DNMT3B: variants seen among roughly 807,000 people sequenced by gnomAD.
DNMT3B encodes DNA (cytosine-5)-methyltransferase 3B.
A neutral mutation model predicts 120.2 loss-of-function variants in DNMT3B; 37 were observed. That is an observed-to-expected ratio of 0.31 (90% CI 0.24 to 0.40). The LOEUF is 0.40. Ranked by LOEUF, DNMT3B falls within the 10% of genes least tolerant of loss-of-function variation. The pLI, the probability that DNMT3B is intolerant of heterozygous loss-of-function variation, is 1.00. For synonymous variants in DNMT3B, 412 were observed against 442.8 expected (o/e 0.93, Z 0.87); for missense variants, 878 against 1,137.3 (o/e 0.77, Z 3.28).
chr20:32,780,519 C>T (rs530131895), intron 2 of DNMT3B, 54 bp downstream of exon 2: 25 of 1,597,380 alleles, frequency 1.6e-5, no homozygotes, highest in Admixed American at 1.2e-4. Flanking sequence ...AGTGAGCGGT[C>T]ACTGCAGACA....
chr20:32,764,148 A>G (rs1987153879), intron 1 of DNMT3B, among the ~76,000 whole-genome samples: 1 of 152,184 alleles, frequency 6.6e-6, no homozygotes, highest in Non-Finnish European at 1.5e-5. Context: ...AAGGAAGCAT[A>G]GTTCTTAGTT....
At chr20:32,769,784 G>A (rs1242974591) in intron 1 of DNMT3B, among the ~76,000 whole-genome samples, 1 of 152,014 alleles carries the variant, frequency 6.6e-6, no homozygotes, top group Non-Finnish European at 1.5e-5. Context: ...ATCTCACTCT[G>A]TTGCCCAGGC....
In DNMT3B at chr20:32,787,467, G is replaced by C. The variant is rs764897312; in HGVS notation, c.654+16G>C. ...AGAGTATCAGGTATGGCCGAGAGGGGCTCCTGCCCAGGGTGACTGAGGACC... is the reference window on the plus strand; with the variant it reads ...AGAGTATCAGGTATGGCCGAGAGGGCCTCCTGCCCAGGGTGACTGAGGACC... On this transcript the variant is annotated intron_variant, in intron 6 of 22. Transcript: ENST00000328111. 5.8e-5 allele frequency: 93 copies of C among 1,609,604 alleles called. No homozygotes were observed. The highest frequency in any genetic ancestry group is 1.9e-4 in the Middle Eastern group (1 of 5,286).
In DNMT3B at chr20:32,780,395, C is replaced by T. The variant is rs777511594; in HGVS notation, c.72C>T (p.Asn24=). 35 of 1,613,754 alleles carry T rather than the reference C, an allele frequency of 2.2e-5. No individual in the cohort carries two copies. In the East Asian group the frequency reaches 4.7e-4, roughly 22 times the overall value. ...AGGREDSILV[N]GACSDQSSDS... is the part of the protein sequence containing the mutation. ...GGAGGGAAGACTCGATCCTCGTCAA[C>T]GGGGCCTGCAGCGACCAGTCCTCCG... The change falls in exon 2 of 23, where the codon AAC becomes AAT. Residue 24 remains asparagine, a synonymous_variant. Coordinates refer to ENST00000328111, the MANE Select transcript of DNMT3B (RefSeq NM_006892.4).
intron 3 of DNMT3B, among the ~76,000 whole-genome samples, chr20:32,784,013 C>T (rs558757820): frequency 4.6e-5 from 7 of 151,626 alleles, no homozygotes; most frequent in East Asian, 1.9e-4. Context: ...CAGGTTTAAG[C>T]GGTACTCCTG....
At chr20:32,781,262 C>T in intron 2 of DNMT3B, 91 bp from the exon 3 acceptor site, 1 of 1,365,608 alleles carries the variant, frequency 7.3e-7, no homozygotes, top group Non-Finnish European at 1.0e-6. Context: ...GATCCCAGGC[C>T]ACGCCACGGA....
chr20:32,782,923 AT>A (rs879655920), intron 3 of DNMT3B, among the ~76,000 whole-genome samples: 63 of 151,188 alleles, frequency 4.2e-4, no homozygotes, highest in Admixed American at 3.4e-3. Context: ...TGAAATGGGT[AT>A]TTTTTTTTAT....
chr20:32,769,249 G>A (rs1393526111), intron 1 of DNMT3B, among the ~76,000 whole-genome samples: 2 of 151,994 alleles, frequency 1.3e-5, no homozygotes, highest in African/African-American at 4.8e-5. Flanking sequence ...CACCTTGCCC[G>A]GCTAATTTTT....
At chr20:32,780,920 G>A (rs375354476) in intron 2 of DNMT3B, among the ~76,000 whole-genome samples, 21 of 152,326 alleles carry the variant, frequency 1.4e-4, no homozygotes, top group East Asian at 7.7e-4. Context: ...TGTCCTCTCA[G>A]CTGTGCCATC....
chr20:32,805,882 T>C (rs944183405), intron 21 of DNMT3B, among the ~76,000 whole-genome samples: 1 of 152,242 alleles, frequency 6.6e-6, no homozygotes, highest in African/African-American at 2.4e-5. Flanking sequence ...TGGTGTCTTC[T>C]TGGCCCCCCA....
chr20:32,806,071 G>C (rs921441448), intron 21 of DNMT3B, 138 bp from the exon 22 acceptor site: 3 of 821,976 alleles, frequency 3.6e-6, no homozygotes, highest in African/African-American at 3.4e-5. Flanking sequence ...ATCTTTCCCA[G>C]GTACTTTTCT....
intron 1 of DNMT3B, among the ~76,000 whole-genome samples, chr20:32,776,480 T>G (rs573767730): frequency 6.0e-4 from 92 of 152,112 alleles, no homozygotes; most frequent in African/African-American, 2.1e-3. Flanking sequence ...GTGGGGGAGA[T>G]TTGTATCCAC....
intron 1 of DNMT3B, 140 bp from the exon 2 acceptor site, chr20:32,780,178 G>A (rs367677856): frequency 6.2e-6 from 10 of 1,612,980 alleles, no homozygotes; most frequent in African/African-American, 1.3e-5. Context: ...CAGCCTGGGT[G>A]GGGTACTTGG....
intron 1 of DNMT3B, among the ~76,000 whole-genome samples, chr20:32,771,103 C>G (rs778817063): frequency 1.3e-5 from 2 of 152,052 alleles, no homozygotes; most frequent in Non-Finnish European, 2.9e-5. Flanking sequence ...TGATTTTTAC[C>G]TTTTCAATAC....
chr20:32,774,220 T>C (rs1183772564), intron 1 of DNMT3B, among the ~76,000 whole-genome samples: 1 of 151,920 alleles, frequency 6.6e-6, no homozygotes, highest in African/African-American at 2.4e-5. Flanking sequence ...TTTTTTTCTT[T>C]TTTTTTTGAG....
intron 15 of DNMT3B, among the ~76,000 whole-genome samples, chr20:32,798,967 C>T (rs1048557351): frequency 6.6e-6 from 1 of 152,210 alleles, no homozygotes; most frequent in Non-Finnish European, 1.5e-5. Context: ...TAGAGGGAAG[C>T]CCTAGGTCAT....
At chr20:32,805,440 A>G (rs140641557) in intron 21 of DNMT3B, 33 bp downstream of exon 21, 2 of 1,613,394 alleles carry the variant, frequency 1.2e-6, no homozygotes, top group Non-Finnish European at 1.7e-6. Context: ...GGAAAAATGC[A>G]CTTGGTGACC....
Position 32,796,799 on chromosome 20 carries a change from T to G in DNMT3B, c.1307T>G (p.Leu436Trp). 6.2e-7 allele frequency: 1 copy of G among 1,614,228 alleles called. No individual in the cohort carries two copies. The highest frequency in any genetic ancestry group is 8.5e-7 in the Non-Finnish European group (1 of 1,180,042). The change falls in exon 13 of 23, where the codon TTG (leucine) becomes TGG (tryptophan). Residue 436 changes from leucine to tryptophan, a missense_variant. Physicochemically the swap from Leu to Trp is moderately conservative, Grantham distance 61 (BLOSUM62 -2). Around this residue, in one of 4 missense-constraint regions of DNMT3B, gnomAD observed 207 missense variants for 222.6 expected, o/e 0.93. Coordinates refer to ENST00000328111, the MANE Select transcript of DNMT3B (RefSeq NM_006892.4). ...NNKSSLEDGC[L>W]SCGRKNPVSF... ...CCTGTTTTTCTTACAGATGGCTGTT[T>G]GTCTTGTGGCAGGAAAAACCCCGTG...
At chr20:32,768,159 A>G (rs1314370088) in intron 1 of DNMT3B, among the ~76,000 whole-genome samples, 2 of 151,244 alleles carry the variant, frequency 1.3e-5, no homozygotes, top group Non-Finnish European at 2.9e-5. Context: ...AGCTAGGACT[A>G]CAGGTGAGAG....
Sources: allele counts gnomAD v4.1 joint callset (sites outside exome capture counted in the v4.1 genomes callset), GRCh38; gene constraint gnomAD v4.1.1; regional missense constraint gnomAD v4.1.1; transcripts MANE v1.5; gene names NCBI Gene and HGNC (gene_info 2026-07-23, HGNC 2026-07-21).